EVI5L: variants seen among roughly 807,000 people sequenced by gnomAD.
EVI5L encodes EVI5-like protein.
EVI5L carries 30 observed loss-of-function variants against 106.1 expected under a neutral mutation model. The observed-to-expected ratio is 0.28, with a 90% CI of 0.21 to 0.38. The LOEUF (loss-of-function observed/expected upper bound fraction) is 0.38. Ranked by LOEUF, EVI5L falls within the 10% of genes least tolerant of loss-of-function variation. The pLI, the probability that EVI5L is intolerant of heterozygous loss-of-function variation, is 1.00. For synonymous variants in EVI5L, 489 were observed against 483.3 expected, an observed-to-expected ratio of 1.01 and a Z score of -0.15; for missense variants, 809 against 1,098.0, an observed-to-expected ratio of 0.74 and a Z score of 3.72.
At position 7,864,258 on chromosome 19, in the gene EVI5L, G is replaced by C. The variant is rs1980013717; in HGVS notation, c.*556G>C. The C allele has an allele frequency of 6.6e-6, 1 of 152,630 alleles. No individual in the cohort carries two copies. The highest frequency in any genetic ancestry group is 2.4e-5 in the African/African-American group (1 of 41,448). 9.5% of individuals were successfully genotyped at this position (152,630 alleles called of 1,614,324 possible). On this transcript the variant is annotated 3_prime_UTR_variant, in exon 20 of 20. Coordinates refer to ENST00000538904, the MANE Select transcript of EVI5L (RefSeq NM_001159944.3). The surrounding 1 kb of genome is among the most constrained non-coding windows in gnomAD (Gnocchi z 4.5). ...CCGCTGGGGACAGATGGCCAGGCCGGCCTCTCCTGCCTGGCGCAGGCACCG... is the reference window on the plus strand; with the variant it reads ...CCGCTGGGGACAGATGGCCAGGCCGCCCTCTCCTGCCTGGCGCAGGCACCG...
intron 5 of EVI5L, 65 bp downstream of exon 5, chr19:7,849,395 G>A: frequency 6.4e-7 from 1 of 1,562,074 alleles, no homozygotes; most frequent in Non-Finnish European, 8.8e-7. Flanking sequence ...CGGCCCCCAA[G>A]AGATGGACAG....
Position 7,862,427 on chromosome 19 carries a change from G to A in EVI5L, c.1840G>A (p.Glu614Lys), listed in dbSNP as rs746339487. Residue 614 changes from glutamate (E) to lysine (K), a missense_variant, in exon 17 of 20, where the codon GAG becomes AAG. This residue lies in a region of EVI5L where 452 missense variants were observed against 509.9 expected (regional missense o/e 0.89). Coordinates refer to ENST00000538904, the MANE Select transcript of EVI5L (RefSeq NM_001159944.3). ...CAACCTTCTGAACCGCGTGGAGGCGGAGCGCGCGGCGCTGCAGGAGAAGCT... is the reference window on the plus strand; with the variant it reads ...CAACCTTCTGAACCGCGTGGAGGCGAAGCGCGCGGCGCTGCAGGAGAAGCT... ...HRNLLNRVEAERAALQEKLQY... is the reference protein window; with the variant it reads ...HRNLLNRVEAKRAALQEKLQY... 1.2e-6 allele frequency: 2 copies of A among 1,610,434 alleles called. No homozygotes were observed. Among genetic ancestry groups the A allele is most frequent in the Non-Finnish European group, 1.7e-6 (2 of 1,178,748 alleles).
intron 6 of EVI5L, 77 bp from the exon 7 acceptor site, chr19:7,851,357 G>A (rs557319923): frequency 1.0e-5 from 16 of 1,528,742 alleles, no homozygotes; most frequent in Admixed American, 7.6e-5. Context: ...CCCTGGAGGC[G>A]GGGACACTGA....
chr19:7,852,985 C>T (rs1358271937), intron 8 of EVI5L, 101 bp from the exon 9 acceptor site: 34 of 1,130,780 alleles, frequency 3.0e-5, no homozygotes, highest in Non-Finnish European at 4.5e-5. Flanking sequence ...ACACCCCGGG[C>T]AGACCCGTTC....
chr19:7,843,119 G>T (rs1019518383), intron 1 of EVI5L, among the ~76,000 whole-genome samples: 11 of 129,886 alleles, frequency 8.5e-5, no homozygotes, highest in African/African-American at 3.2e-4. Flanking sequence ...GGGTGTGTGT[G>T]TCATGTGCAT....
chr19:7,842,014 T>C (rs1439291728), intron 1 of EVI5L, among the ~76,000 whole-genome samples: 7 of 152,088 alleles, frequency 4.6e-5, no homozygotes, highest in African/African-American at 1.4e-4. Flanking sequence ...CGCGTGTGTG[T>C]AGATGGGTGG....
chr19:7,862,610 T>C, intron 17 of EVI5L, 76 bp downstream of exon 17: 1 of 1,174,662 alleles, frequency 8.5e-7, no homozygotes. Context: ...CCGCCCCCAA[T>C]CCGCCTCTGC....
intron 1 of EVI5L, among the ~76,000 whole-genome samples, chr19:7,841,446 G>A (rs1165362408): frequency 2.6e-5 from 4 of 152,104 alleles, no homozygotes; most frequent in Non-Finnish European, 5.9e-5. Flanking sequence ...GGAAGCATGC[G>A]CGGCAGTGCC....
chr19:7,855,898 C>G (rs1979494875), intron 10 of EVI5L, 117 bp from the exon 11 acceptor site: 2 of 888,924 alleles, frequency 2.2e-6, no homozygotes, highest in Non-Finnish European at 1.5e-6. Context: ...TGGCTGTGCC[C>G]TGCCCGGAAA....
At chr19:7,853,028 G>A in intron 8 of EVI5L, 58 bp from the exon 9 acceptor site, 1 of 1,590,992 alleles carries the variant, frequency 6.3e-7, no homozygotes, top group Non-Finnish European at 8.6e-7. Flanking sequence ...GGCTCGGGCG[G>A]CCCCCGGTGG....
intron 8 of EVI5L, chr19:7,852,732 G>A: frequency 4.7e-6 from 1 of 210,870 alleles, no homozygotes; most frequent in Non-Finnish European, 9.3e-6. Context: ...TTTTTTTTCA[G>A]AAATGGGGTC....
rs1375392688 is a variant in EVI5L at position 7,848,901 on chromosome 19, C to A, written c.328-20C>A. On this transcript the variant is annotated intron_variant, in intron 3 of 19. Transcript: ENST00000538904. This position sits in a 1 kb window ranked among gnomAD's most constrained non-coding sequence, Gnocchi z 4.8. ...GCGCTGGGACCGAGTCCAGCCCCCGCTTCCCGCTCCCGTGGCCAGGAGCTG... is the reference window on the plus strand; with the variant it reads ...GCGCTGGGACCGAGTCCAGCCCCCGATTCCCGCTCCCGTGGCCAGGAGCTG... 1 of 1,600,506 alleles carries A rather than the reference C, an allele frequency of 6.2e-7. No homozygotes were observed. Among genetic ancestry groups the A allele is most frequent in the Non-Finnish European group, 8.5e-7 (1 of 1,170,482 alleles).
At position 7,845,769 on chromosome 19, in the gene EVI5L, G is replaced by A. The variant is rs931892180; in HGVS notation, c.-47-727G>A. Among the ~76,000 whole-genome samples the A allele has an allele frequency of 3.3e-5, 5 of 152,158 alleles. No homozygotes were observed. The highest frequency in any genetic ancestry group is 7.2e-5 in the African/African-American group (3 of 41,452). ...CCAGAAGGGTCGGGCCAGATGACAC[G>A]GCAAAAAGATAGGAGAGATGTGCCT... On this transcript the variant is annotated intron_variant, in intron 1 of 19. Transcript: ENST00000538904. This position sits in a 1 kb window ranked among gnomAD's most constrained non-coding sequence, Gnocchi z 4.0.
chr19:7,852,421 C>A (rs543842828), intron 8 of EVI5L, among the ~76,000 whole-genome samples: 2 of 152,326 alleles, frequency 1.3e-5, no homozygotes, highest in Admixed American at 1.3e-4. Flanking sequence ...TACCTTAACC[C>A]TTTGCACAGG....
chr19:7,839,119 A>G (rs547186652), intron 1 of EVI5L, among the ~76,000 whole-genome samples: 2 of 152,128 alleles, frequency 1.3e-5, no homozygotes, highest in East Asian at 1.9e-4. Context: ...TGGGTAACAC[A>G]GTGAAACCCC....
In EVI5L at chr19:7,862,291, G is replaced by T. The variant is rs932281122; in HGVS notation, c.1800+14G>T. Reference sequence around the variant, plus strand: ...CTTGAGACGCAGGTGGACTCGGGGGGCCTGCTCGTTGGGGAAGGGGCGTGG... The same window carrying T: ...CTTGAGACGCAGGTGGACTCGGGGGTCCTGCTCGTTGGGGAAGGGGCGTGG... On this transcript the variant is annotated intron_variant, in intron 16 of 19. Transcript: ENST00000538904. The T allele has an allele frequency of 6.3e-7, 1 of 1,581,670 alleles. No individual in the cohort carries two copies. Among genetic ancestry groups the T allele is most frequent in the South Asian group, 1.1e-5 (1 of 87,114 alleles).
rs1040821898 is a variant in EVI5L, at chr19:7,845,179, C to T, written c.-47-1317C>T. On this transcript the variant is annotated intron_variant, in intron 1 of 19. Transcript: ENST00000538904. The surrounding 1 kb of genome is among the most constrained non-coding windows in gnomAD (Gnocchi z 4.0). ...GGCAGACTCCTGCTACAGAGCGTGC[C>T]GGGCAGTGGGCGGGCATGAGGAGCC... is the stretch of plus-strand genomic sequence containing the variant. 6.6e-6 allele frequency among the ~76,000 whole-genome samples: 1 copy of T among 152,130 alleles called. No homozygotes were observed. The highest frequency in any genetic ancestry group is 6.5e-5 in the Admixed American group (1 of 15,278).
At chr19:7,860,728 C>T in intron 14 of EVI5L, 39 bp downstream of exon 14, 1 of 1,535,844 alleles carries the variant, frequency 6.5e-7, no homozygotes, top group African/African-American at 1.4e-5. Context: ...TCGGGGGGAC[C>T]CTGGGGCACA....
chr19:7,862,540 G>T lies in EVI5L; in HGVS notation c.1947+6G>T. ...AGGCCGAGGCCGAGTGCAAGGTGCA[G>T]ACCCCCGCGGCCCCGCCCTGCCCGT... On this transcript the variant is annotated splice_donor_region_variant and intron_variant, in intron 17 of 19. Transcript: ENST00000538904. 1 of 1,458,680 alleles carries T rather than the reference G, an allele frequency of 6.9e-7. No homozygotes were observed. Among genetic ancestry groups the T allele is most frequent in the Non-Finnish European group, 9.1e-7 (1 of 1,104,646 alleles). 90.4% of individuals were successfully genotyped at this position (1,458,680 alleles called of 1,614,324 possible).
Sources: gnomAD v4.1 joint callset for allele counts (sites outside exome capture counted in the v4.1 genomes callset) on GRCh38, gnomAD v4.1.1 for gene constraint, gnomAD v4.1.1 regional missense constraint, Gnocchi (gnomAD v3.1) non-coding constraint, MANE v1.5 for transcripts, NCBI Gene and HGNC (gene_info 2026-07-23, HGNC 2026-07-21) for gene names.